Variants in CTNND2 observed in about 807,000 individuals in gnomAD.
CTNND2 encodes catenin delta 2, also known as catenin delta-2.
A neutral mutation model predicts 144.4 loss-of-function variants in CTNND2; 22 were observed. The observed-to-expected ratio is 0.15, with a 90% CI of 0.11 to 0.22. The LOEUF (loss-of-function observed/expected upper bound fraction) is 0.22. Ranked by LOEUF, CTNND2 falls within the 10% of genes least tolerant of loss-of-function variation. The probability of loss-of-function intolerance (pLI) is 1.00; values close to 1 mark genes in which losing one functional copy is unlikely to be tolerated. For synonymous variants in CTNND2, 751 were observed against 695.6 expected (o/e 1.08, Z -1.25); for missense variants, 1,353 against 1,618.8 (o/e 0.84, Z 2.82).
intron 3 of CTNND2, among the ~76,000 whole-genome samples, chr5:11,415,541 G>A (rs1470949049): frequency 6.6e-6 from 1 of 152,104 alleles, no homozygotes; most frequent in Non-Finnish European, 1.5e-5. Context: ...AGGAGTTTGA[G>A]GCTTCAGTGA....
At chr5:11,192,722 A>G (rs999949750) in intron 11 of CTNND2, among the ~76,000 whole-genome samples, 1 of 152,172 alleles carries the variant, frequency 6.6e-6, no homozygotes, top group Non-Finnish European at 1.5e-5. Flanking sequence ...AGCGTCCTGA[A>G]AGCAACACAG....
chr5:11,131,416 C>T (rs1015633039), intron 12 of CTNND2, among the ~76,000 whole-genome samples: 1 of 152,144 alleles, frequency 6.6e-6, no homozygotes, highest in Non-Finnish European at 1.5e-5. Context: ...GGCTACCTGG[C>T]TTTTAAATGT....
chr5:11,605,371 T>C (rs868389769), intron 2 of CTNND2, among the ~76,000 whole-genome samples: 5 of 152,296 alleles, frequency 3.3e-5, no homozygotes, highest in Middle Eastern at 3.4e-3. Context: ...ACAGACAAAT[T>C]TATCATACAC....
chr5:11,572,226 T>C (rs1173786339), intron 2 of CTNND2, among the ~76,000 whole-genome samples: 1 of 152,138 alleles, frequency 6.6e-6, no homozygotes, highest in Non-Finnish European at 1.5e-5. Context: ...GTGGCATAGG[T>C]TGGTCCCTCT....
intron 18 of CTNND2, among the ~76,000 whole-genome samples, chr5:11,015,514 T>C (rs1741516643): frequency 6.6e-6 from 1 of 152,262 alleles, no homozygotes; most frequent in Non-Finnish European, 1.5e-5. Context: ...CTCCATTAAA[T>C]TCCTGTCAAC....
At position 11,155,724 on chromosome 5, in the gene CTNND2, T is replaced by C. The variant is rs549267495; in HGVS notation, c.2159+3852A>G. Among the ~76,000 whole-genome samples the C allele has an allele frequency of 9.9e-5, 15 of 152,228 alleles. No homozygotes were observed. The South Asian group carries it at 2.3e-3, about 23-fold the overall frequency. On this transcript the variant is annotated intron_variant, in intron 12 of 21. Transcript: ENST00000304623. ...TCCAACAAAATTTAAGGCTTTTTTT[T>C]CCCCACTTCTATCCTTTTTCCTCAG...
At chr5:11,613,876 T>A (rs1780454403) in intron 2 of CTNND2, among the ~76,000 whole-genome samples, 1 of 152,182 alleles carries the variant, frequency 6.6e-6, no homozygotes, top group Non-Finnish European at 1.5e-5. Flanking sequence ...TACATCTGAC[T>A]CCCGAACAAA....
At chr5:11,765,813 A>G (rs1789553099) in intron 1 of CTNND2, among the ~76,000 whole-genome samples, 1 of 152,214 alleles carries the variant, frequency 6.6e-6, no homozygotes. Flanking sequence ...AAACAAATCA[A>G]ATAATTTGTT....
intron 3 of CTNND2, among the ~76,000 whole-genome samples, chr5:11,559,316 T>C (rs1172617984): frequency 6.6e-6 from 1 of 152,086 alleles, no homozygotes; most frequent in East Asian, 1.9e-4. Context: ...CATGGCACCA[T>C]TGAGACATCT....
chr5:11,469,299 T>C (rs1196032939), intron 3 of CTNND2, among the ~76,000 whole-genome samples: 1 of 152,204 alleles, frequency 6.6e-6, no homozygotes, highest in Non-Finnish European at 1.5e-5. Flanking sequence ...TGCATGCAGA[T>C]TGTAATTTAT....
In CTNND2 at chr5:11,783,235, T is replaced by C. The variant is rs73047195; in HGVS notation, c.38-50963A>G. Among the ~76,000 whole-genome samples, 596 of 152,292 alleles carry C rather than the reference T, an allele frequency of 3.9e-3. 5 individuals are homozygous for C. The highest frequency in any genetic ancestry group is 0.013 in the African/African-American group (559 of 41,560). ...GAATTTCCTAGTTGGTTTTTCTCCA[T>C]TGCATAGAGATATTCAGTATACTGC... On this transcript the variant is annotated intron_variant, in intron 1 of 21. Coordinates refer to ENST00000304623, the MANE Select transcript of CTNND2 (RefSeq NM_001332.4).
intron 14 of CTNND2, among the ~76,000 whole-genome samples, chr5:11,110,395 G>A (rs767614743): frequency 3.9e-5 from 6 of 152,196 alleles, no homozygotes; most frequent in Non-Finnish European, 8.8e-5. Context: ...AATGGAAAGT[G>A]TGAGACTGAA....
chr5:11,869,109 A>G (rs1262346151), intron 1 of CTNND2, among the ~76,000 whole-genome samples: 1 of 152,186 alleles, frequency 6.6e-6, no homozygotes, highest in Non-Finnish European at 1.5e-5. Flanking sequence ...TGTTGGTGAA[A>G]ATGTGGACAA....
intron 9 of CTNND2, among the ~76,000 whole-genome samples, chr5:11,291,140 A>G (rs1580811526): frequency 6.6e-6 from 1 of 152,130 alleles, no homozygotes; most frequent in East Asian, 1.9e-4. Context: ...ACTGCGGTCC[A>G]TATCTACCCT....
rs150595312 is a variant in CTNND2, at chr5:11,526,795, C to T, written c.287+38149G>A. 2.7e-4 allele frequency among the ~76,000 whole-genome samples: 41 copies of T among 152,286 alleles called. No individual in the cohort carries two copies. The South Asian group carries it at 6.4e-3, about 24-fold the overall frequency. On this transcript the variant is annotated intron_variant, in intron 3 of 21. Coordinates refer to ENST00000304623, the MANE Select transcript of CTNND2 (RefSeq NM_001332.4). ...CTGAAACAGGGACTCACACTGACACCTGTACACCAGTTTTCACTGCAGCCC... is the reference window on the plus strand; with the variant it reads ...CTGAAACAGGGACTCACACTGACACTTGTACACCAGTTTTCACTGCAGCCC...
At chr5:11,458,672 C>T (rs1765939502) in intron 3 of CTNND2, among the ~76,000 whole-genome samples, 1 of 152,204 alleles carries the variant, frequency 6.6e-6, no homozygotes, top group South Asian at 2.1e-4. Flanking sequence ...CCTATTGGTC[C>T]TTCAGTTCTA....
intron 11 of CTNND2, among the ~76,000 whole-genome samples, chr5:11,175,916 C>G (rs368386868): frequency 2.2e-4 from 34 of 152,310 alleles, no homozygotes; most frequent in African/African-American, 7.9e-4. Flanking sequence ...CTTTGGAGAT[C>G]TACTAGCAGA....
chr5:11,499,365 G>C (rs759455602), intron 3 of CTNND2, among the ~76,000 whole-genome samples: 1 of 152,148 alleles, frequency 6.6e-6, no homozygotes, highest in Non-Finnish European at 1.5e-5. Flanking sequence ...TACAGGCTTA[G>C]TGGCAGCCAA....
intron 2 of CTNND2, among the ~76,000 whole-genome samples, chr5:11,645,961 T>C (rs1021740489): frequency 5.3e-5 from 8 of 152,196 alleles, no homozygotes; most frequent in African/African-American, 1.9e-4. Flanking sequence ...TCTTCCACCA[T>C]AGTTCTTGTC....
Sources: allele counts gnomAD v4.1 joint callset (sites outside exome capture counted in the v4.1 genomes callset), GRCh38; gene constraint gnomAD v4.1.1; transcripts MANE v1.5; gene names NCBI Gene and HGNC (gene_info 2026-07-23, HGNC 2026-07-21).